FARP1: variants seen among roughly 807,000 people sequenced by gnomAD.
FARP1 encodes FERM, ARHGEF and pleckstrin domain-containing protein 1.
In FARP1, 52 loss-of-function variants were observed where a neutral mutation model predicts 128.8. That is an observed-to-expected ratio of 0.40 (90% CI 0.32 to 0.51). The LOEUF (loss-of-function observed/expected upper bound fraction) is 0.51, where lower values mean the gene tolerates loss of function less well. Among genes scored for constraint, FARP1 ranks in the 20% least tolerant of loss-of-function variants. The pLI is 0.45. For synonymous variants in FARP1, 580 were observed against 551.8 expected (o/e 1.05, Z -0.72); for missense variants, 1,333 against 1,367.9 (o/e 0.97, Z 0.40).
intron 2 of FARP1, among the ~76,000 whole-genome samples, chr13:98,323,102 G>T (rs1887071717): frequency 6.6e-6 from 1 of 152,132 alleles, no homozygotes; most frequent in African/African-American, 2.4e-5. Context: ...TTATAGAAAT[G>T]GGGATATTTA....
At chr13:98,341,360 G>T (rs752315860) in intron 2 of FARP1, among the ~76,000 whole-genome samples, 12 of 152,084 alleles carry the variant, frequency 7.9e-5, no homozygotes, top group African/African-American at 1.2e-4. Context: ...TGGGCTGGGT[G>T]CAGTAGCTCA....
chr13:98,145,878 A>G (rs1038229756), intron 1 of FARP1, among the ~76,000 whole-genome samples: 14 of 151,086 alleles, frequency 9.3e-5, no homozygotes, highest in African/African-American at 3.1e-4. Flanking sequence ...AAAAAAAAAA[A>G]AGAGAAAAAA....
At chr13:98,280,387 C>T (rs1884875611) in intron 2 of FARP1, among the ~76,000 whole-genome samples, 1 of 152,168 alleles carries the variant, frequency 6.6e-6, no homozygotes, top group African/African-American at 2.4e-5. Flanking sequence ...CTCATGCCTT[C>T]CTGAGCAGTT....
chr13:98,445,879 G>A lies in FARP1; in HGVS notation c.2797-219G>A. The A allele has an allele frequency of 7.8e-6, 4 of 511,296 alleles. No individual in the cohort carries two copies. The South Asian group carries it at 9.5e-5, about 12-fold the overall frequency. 31.7% of individuals were successfully genotyped at this position (511,296 alleles called of 1,614,324 possible). On this transcript the variant is annotated intron_variant, in intron 24 of 26. Coordinates refer to ENST00000319562, the MANE Select transcript of FARP1 (RefSeq NM_005766.4). ...AACGTGTCTTTTGGGGGGACACAGG[G>A]ACCCCAAGATGCCCCACAGCAAGTG...
intron 1 of FARP1, among the ~76,000 whole-genome samples, chr13:98,151,893 T>G (rs755869207): frequency 5.3e-5 from 8 of 151,888 alleles, no homozygotes; most frequent in Non-Finnish European, 1.2e-4. Flanking sequence ...AACTCCTGAC[T>G]TCAGGTGATC....
chr13:98,418,271 TTTTG>T (rs768060700), intron 16 of FARP1, among the ~76,000 whole-genome samples: 1 of 143,958 alleles, frequency 6.9e-6, no homozygotes, highest in Admixed American at 6.8e-5. Context: ...TTTTGTTTTG[TTTTG>T]TTTTTTGTTT....
In FARP1 at chr13:98,245,906, C is replaced by T. The variant is rs201317190; in HGVS notation, c.171+32493C>T. ...GCCTCAGCCTCCCGGGTAGCTGGGA[C>T]TACAGATGCACGCCGCCACGCCACC... is the stretch of plus-strand genomic sequence containing the variant. On this transcript the variant is annotated intron_variant, in intron 2 of 26. Transcript: ENST00000319562. Among the ~76,000 whole-genome samples the T allele has an allele frequency of 5.3e-5, 8 of 151,210 alleles. No individual in the cohort carries two copies. The East Asian group carries it at 1.6e-3, about 30-fold the overall frequency.
At chr13:98,290,572 A>G (rs569858111) in intron 2 of FARP1, among the ~76,000 whole-genome samples, 14 of 152,228 alleles carry the variant, frequency 9.2e-5, no homozygotes, top group Admixed American at 3.9e-4. Context: ...GAGAAATTGC[A>G]GTAGGCCAGG....
chr13:98,344,725 C>T (rs137962881), intron 3 of FARP1, among the ~76,000 whole-genome samples: 6 of 152,180 alleles, frequency 3.9e-5, no homozygotes, highest in Admixed American at 3.3e-4. Flanking sequence ...CAGTGCAGAT[C>T]GAGCCTGGCT....
intron 2 of FARP1, among the ~76,000 whole-genome samples, chr13:98,255,057 G>C (rs1212102140): frequency 6.6e-6 from 1 of 152,032 alleles, no homozygotes; most frequent in Non-Finnish European, 1.5e-5. Context: ...GGCTTCATTT[G>C]AGAAATGAGA....
At chr13:98,293,172 T>A (rs1174277651) in intron 2 of FARP1, among the ~76,000 whole-genome samples, 12 of 152,204 alleles carry the variant, frequency 7.9e-5, no homozygotes, top group South Asian at 4.2e-4. Flanking sequence ...CCAGTTACAT[T>A]TAAATGGAAT....
intron 19 of FARP1, among the ~76,000 whole-genome samples, chr13:98,436,806 A>G (rs1182846450): frequency 6.6e-6 from 1 of 152,242 alleles, no homozygotes; most frequent in Non-Finnish European, 1.5e-5. Flanking sequence ...ATCCACACGG[A>G]ACCCTCAGAA....
intron 2 of FARP1, among the ~76,000 whole-genome samples, chr13:98,241,695 C>T (rs1486531900): frequency 6.6e-6 from 1 of 152,130 alleles, no homozygotes; most frequent in Non-Finnish European, 1.5e-5. Flanking sequence ...GTGGGTGGAT[C>T]ACCTGAGGTC....
chr13:98,346,014 A>G (rs1888163711), intron 3 of FARP1, among the ~76,000 whole-genome samples: 1 of 152,078 alleles, frequency 6.6e-6, no homozygotes, highest in African/African-American at 2.4e-5. Context: ...TGAGGAAGTT[A>G]AGCCTTAAAG....
chr13:98,405,174 C>T (rs1355536731), intron 13 of FARP1: 1 of 152,198 alleles, frequency 6.6e-6, no homozygotes, highest in Non-Finnish European at 1.5e-5. Flanking sequence ...ATGATAAAGT[C>T]TCCTCCCACT....
chr13:98,156,778 T>G (rs1481083541), intron 1 of FARP1, among the ~76,000 whole-genome samples: 3 of 152,140 alleles, frequency 2.0e-5, no homozygotes, highest in Non-Finnish European at 4.4e-5. Context: ...CCCAGGCTGG[T>G]CTGGAACTGG....
At chr13:98,394,495 G>C (rs376399288) in intron 12 of FARP1, among the ~76,000 whole-genome samples, 3 of 152,198 alleles carry the variant, frequency 2.0e-5, no homozygotes, top group Non-Finnish European at 4.4e-5. Flanking sequence ...GTCTTGTTCC[G>C]TAGAAGCTTT....
intron 2 of FARP1, among the ~76,000 whole-genome samples, chr13:98,215,521 TTATACTA>T (rs887530363): frequency 1.3e-5 from 2 of 152,156 alleles, no homozygotes; most frequent in Non-Finnish European, 2.9e-5. Flanking sequence ...AAACTCGACT[TTATACTA>T]TATGAGAATA....
At chr13:98,213,846 C>G (rs1388757273) in intron 2 of FARP1, among the ~76,000 whole-genome samples, 1 of 152,082 alleles carries the variant, frequency 6.6e-6, no homozygotes, top group Non-Finnish European at 1.5e-5. Flanking sequence ...GAACTCAAGT[C>G]CCGGTTACTG....
Sources: gnomAD v4.1 joint callset for allele counts (sites outside exome capture counted in the v4.1 genomes callset) on GRCh38, gnomAD v4.1.1 for gene constraint, MANE v1.5 for transcripts, NCBI Gene and HGNC (gene_info 2026-07-23, HGNC 2026-07-21) for gene names.